Variants in DLG1 observed in about 807,000 individuals in gnomAD.
DLG1 encodes disks large homolog 1.
A neutral mutation model predicts 123.4 loss-of-function variants in DLG1; 42 were observed. The observed-to-expected ratio is 0.34, with a 90% CI of 0.27 to 0.44. The LOEUF (loss-of-function observed/expected upper bound fraction) is 0.44, where lower values mean the gene tolerates loss of function less well. DLG1 is among the 20% of genes least tolerant of loss of function. The pLI is 1.00. For missense variants in DLG1, 942 were observed against 1,082.6 expected (o/e 0.87, Z 1.82); for synonymous variants, 317 against 356.2 (o/e 0.89, Z 1.24).
chr3:197,260,750 C>CAAA lies in DLG1; in HGVS notation c.318+21926_318+21928dup, dbSNP rs570596943. On this transcript the variant is annotated intron_variant, in intron 4 of 24. Transcript: ENST00000667157. ...GTTTGGATACTCAAATGACAACCAC[C>CAAA]AAAAAAAAAAAAAAAAAAAAAAAAA... Among the ~76,000 whole-genome samples the CAAA allele has an allele frequency of 6.2e-3, 113 of 18,308 alleles. 2 individuals carry two copies. The highest frequency in any genetic ancestry group is 9.3e-3 in the East Asian group (3 of 322). 12.0% of individuals were successfully genotyped at this position (18,308 alleles called of 152,430 possible).
chr3:197,297,652 G>T, intron 1 of DLG1: 1 of 994,254 alleles, frequency 1.0e-6, no homozygotes, highest in Non-Finnish European at 1.2e-6. Context: ...CGCCCTGCTC[G>T]GGCCCCCTCC....
At chr3:197,060,892 C>A (rs1237884238) in intron 22 of DLG1, among the ~76,000 whole-genome samples, 1 of 152,216 alleles carries the variant, frequency 6.6e-6, no homozygotes, top group Admixed American at 6.5e-5. Context: ...GTGGCATGAT[C>A]TCGGCTTACT....
At chr3:197,117,333 G>T (rs1407483581) in intron 12 of DLG1, among the ~76,000 whole-genome samples, 2 of 152,102 alleles carry the variant, frequency 1.3e-5, no homozygotes, top group Non-Finnish European at 2.9e-5. Flanking sequence ...CCACCCTTAG[G>T]TATATATCCC....
chr3:197,207,704 A>AAAGAT (rs1366462634), intron 4 of DLG1, among the ~76,000 whole-genome samples: 2 of 147,820 alleles, frequency 1.4e-5, no homozygotes, highest in Non-Finnish European at 1.5e-5. Flanking sequence ...AAATCGGCAT[A>AAAGAT]TAAATAGAAA....
rs1441494425 is a variant in DLG1 at position 197,095,232 on chromosome 3, G to C, written c.1547-4206C>G. Among the ~76,000 whole-genome samples the C allele has an allele frequency of 1.2e-4, 18 of 152,064 alleles. 1 individual carries two copies. Among genetic ancestry groups the C allele is most frequent in the Non-Finnish European group, 2.6e-4 (18 of 68,006 alleles). ...AATACTTCAGTGTGTATTTCCTACA[G>C]ATATTTTCCTATATAACTACAAAAC... On this transcript the variant is annotated intron_variant, in intron 14 of 24. Transcript: ENST00000667157.
intron 4 of DLG1, among the ~76,000 whole-genome samples, chr3:197,199,500 T>G (rs1724478281): frequency 6.6e-6 from 1 of 152,196 alleles, no homozygotes. Flanking sequence ...CCAACATATC[T>G]CATTATGTAT....
chr3:197,286,635 T>A (rs913103738), intron 3 of DLG1, among the ~76,000 whole-genome samples: 5 of 152,170 alleles, frequency 3.3e-5, no homozygotes, highest in Non-Finnish European at 5.9e-5. Flanking sequence ...ACATCAGATT[T>A]GTCAATGTAC....
At chr3:197,109,510 T>G (rs1768587194) in intron 13 of DLG1, among the ~76,000 whole-genome samples, 1 of 152,258 alleles carries the variant, frequency 6.6e-6, no homozygotes, top group Non-Finnish European at 1.5e-5. Context: ...GTTTTTAAAA[T>G]CAGGTTGGAG....
intron 4 of DLG1, among the ~76,000 whole-genome samples, chr3:197,225,282 T>C (rs569278737): frequency 9.2e-5 from 14 of 152,350 alleles, no homozygotes; most frequent in Admixed American, 8.5e-4. Flanking sequence ...ATATTTTATA[T>C]AAGAATAACC....
At chr3:197,075,308 T>C (rs547874665) in intron 18 of DLG1, among the ~76,000 whole-genome samples, 23 of 103,292 alleles carry the variant, frequency 2.2e-4, no homozygotes, top group Middle Eastern at 6.2e-3. Context: ...TGGTAACTTA[T>C]AACTTTCTCA....
chr3:197,081,855 T>A (rs2149069881), intron 16 of DLG1, among the ~76,000 whole-genome samples: 1 of 152,246 alleles, frequency 6.6e-6, no homozygotes, highest in East Asian at 1.9e-4. Flanking sequence ...AAAACTACAA[T>A]GAAACAAGTT....
At chr3:197,289,368 A>ACAC (rs1560175280) in intron 3 of DLG1, among the ~76,000 whole-genome samples, 4 of 152,088 alleles carry the variant, frequency 2.6e-5, no homozygotes, top group African/African-American at 9.7e-5. Context: ...ACACACACAC[A>ACAC]AATAACATTC....
chr3:197,173,418 C>G lies in DLG1; in HGVS notation c.483+21007G>C, dbSNP rs141326589. On this transcript the variant is annotated intron_variant, in intron 5 of 24. Transcript: ENST00000667157. ...ATAACACTTTCATCCCCATTTTCTA[C>G]AGATGAGGAGACAGACTCCGCATGG... Among the ~76,000 whole-genome samples, 172 of 152,256 alleles carry G rather than the reference C, an allele frequency of 1.1e-3. 1 individual carries two copies. Among genetic ancestry groups the G allele is most frequent in the Middle Eastern group, 6.8e-3 (2 of 294 alleles).
At chr3:197,080,719 C>T (rs567988862) in intron 17 of DLG1, 192 of 169,938 alleles carry the variant, frequency 1.1e-3, no homozygotes, top group African/African-American at 4.4e-3. Context: ...GACTTGGCCT[C>T]CCAAAGTGCT....
chr3:197,262,589 T>C (rs1448145181), intron 4 of DLG1, among the ~76,000 whole-genome samples: 1 of 152,176 alleles, frequency 6.6e-6, no homozygotes, highest in Non-Finnish European at 1.5e-5. Flanking sequence ...TCCATCTAAA[T>C]GGGGGCAGTC....
At chr3:197,054,589 G>GT (rs1166126295) in intron 23 of DLG1, among the ~76,000 whole-genome samples, 2 of 151,892 alleles carry the variant, frequency 1.3e-5, no homozygotes, top group African/African-American at 2.4e-5. Context: ...TTATTTTTAG[G>GT]TTTTTTATTT....
At chr3:197,049,745 TC>T (rs1297203486) in intron 24 of DLG1, among the ~76,000 whole-genome samples, 2 of 150,692 alleles carry the variant, frequency 1.3e-5, no homozygotes, top group African/African-American at 4.9e-5. Flanking sequence ...AAACTCCATC[TC>T]CAAAAACAAA....
chr3:197,245,540 C>T (rs1189795738), intron 4 of DLG1, among the ~76,000 whole-genome samples: 1 of 152,064 alleles, frequency 6.6e-6, no homozygotes, highest in Non-Finnish European at 1.5e-5. Flanking sequence ...GTATAAATTC[C>T]TATACATCCA....
intron 3 of DLG1, among the ~76,000 whole-genome samples, chr3:197,295,067 A>G (rs1272323382): frequency 1.3e-5 from 2 of 152,210 alleles, no homozygotes; most frequent in African/African-American, 4.8e-5. Context: ...ATCCATTCGG[A>G]CCTTAAACCT....
Sources: allele counts gnomAD v4.1 joint callset (sites outside exome capture counted in the v4.1 genomes callset), GRCh38; gene constraint gnomAD v4.1.1; transcripts MANE v1.5; gene names NCBI Gene and HGNC (gene_info 2026-07-23, HGNC 2026-07-21).